RAB28: variants seen among roughly 807,000 people sequenced by gnomAD.
The protein encoded by RAB28 is ras-related protein Rab-28.
In RAB28, 24 loss-of-function variants were observed where a neutral mutation model predicts 31.7. That is an observed-to-expected ratio of 0.76 (90% CI 0.55 to 1.06). The LOEUF is 1.06. Among genes scored for constraint, RAB28 ranks in the 50% least tolerant of loss-of-function variants. The pLI, the probability that RAB28 is intolerant of heterozygous loss-of-function variation, is 0.00. For synonymous variants in RAB28, 100 were observed against 90.4 expected (o/e 1.11, Z -0.60); for missense variants, 254 against 258.5 (o/e 0.98, Z 0.12).
At chr4:13,460,415 T>C (rs1715533270) in intron 4 of RAB28, among the ~76,000 whole-genome samples, 1 of 152,134 alleles carries the variant, frequency 6.6e-6, no homozygotes, top group African/African-American at 2.4e-5. Context: ...AGGGTCTCAC[T>C]ATGTTGGCCA....
chr4:13,467,101 C>T (rs61798410), intron 3 of RAB28, among the ~76,000 whole-genome samples: 2 of 151,642 alleles, frequency 1.3e-5, no homozygotes, highest in Non-Finnish European at 2.9e-5. Context: ...AACTATTGCA[C>T]AGTGTGGTTA....
At chr4:13,411,515 T>C (rs1712439634) in intron 4 of RAB28, among the ~76,000 whole-genome samples, 2 of 152,112 alleles carry the variant, frequency 1.3e-5, no homozygotes, top group Admixed American at 1.3e-4. Context: ...AAGTAGAAGG[T>C]AAAAATCAAA....
At chr4:13,433,949 G>A (rs1713956628) in intron 4 of RAB28, among the ~76,000 whole-genome samples, 2 of 152,012 alleles carry the variant, frequency 1.3e-5, no homozygotes, top group African/African-American at 4.8e-5. Context: ...AAGAAAATGT[G>A]GTATATATAC....
intron 1 of RAB28, among the ~76,000 whole-genome samples, chr4:13,482,705 G>C (rs1716666335): frequency 6.6e-6 from 1 of 152,062 alleles, no homozygotes; most frequent in Non-Finnish European, 1.5e-5. Flanking sequence ...TTCCCCCAAC[G>C]TTTAAAGGTA....
chr4:13,477,224 T>C (rs1268050331), intron 2 of RAB28, among the ~76,000 whole-genome samples: 1 of 151,574 alleles, frequency 6.6e-6, no homozygotes, highest in Admixed American at 6.6e-5. Flanking sequence ...ATCCAGACTA[T>C]ACAGCATACC....
At chr4:13,446,200 G>C (rs1024078972) in intron 4 of RAB28, among the ~76,000 whole-genome samples, 14 of 152,286 alleles carry the variant, frequency 9.2e-5, no homozygotes, top group Non-Finnish European at 1.9e-4. Flanking sequence ...CACAGTAATG[G>C]CGGTAGCCCC....
At chr4:13,467,430 A>G (rs577609057) in intron 3 of RAB28, among the ~76,000 whole-genome samples, 1 of 152,058 alleles carries the variant, frequency 6.6e-6, no homozygotes, top group South Asian at 2.1e-4. Context: ...GTTAATTGAT[A>G]TAAAATACAA....
Position 13,443,149 on chromosome 4 carries a change from A to G in RAB28, c.391+17550T>C, listed in dbSNP as rs534342377. 8.2e-4 allele frequency among the ~76,000 whole-genome samples: 125 copies of G among 152,356 alleles called. 1 individual carries two copies. Among genetic ancestry groups the G allele is most frequent in the African/African-American group, 3.0e-3 (124 of 41,582 alleles). ...ATGAAAGAGAAAAAATAAAAATCTT[A>G]AAACAACAACTATGTGTGTAATATA... On this transcript the variant is annotated intron_variant, in intron 4 of 6. Coordinates refer to ENST00000330852, the MANE Select transcript of RAB28 (RefSeq NM_001017979.3).
intron 4 of RAB28, among the ~76,000 whole-genome samples, chr4:13,383,972 T>TG (rs1282417502): frequency 4.6e-5 from 7 of 152,302 alleles, no homozygotes; most frequent in Non-Finnish European, 1.0e-4. Flanking sequence ...TTGGATGTAC[T>TG]GGGGGTCCAC....
At chr4:13,481,483 G>C (rs28680387) in intron 1 of RAB28, among the ~76,000 whole-genome samples, 2,553 of 151,966 alleles carry the variant, frequency 0.017, 70 homozygotes, top group African/African-American at 0.058. Flanking sequence ...TGAACAACTA[G>C]CTCCCATATC....
At chr4:13,426,813 T>C (rs1713522914) in intron 4 of RAB28, among the ~76,000 whole-genome samples, 1 of 152,182 alleles carries the variant, frequency 6.6e-6, no homozygotes, top group South Asian at 2.1e-4. Context: ...ATTTTACTAT[T>C]AGTTTTAGTG....
intron 4 of RAB28, among the ~76,000 whole-genome samples, chr4:13,396,687 A>T (rs2108896226): frequency 1.3e-5 from 2 of 152,174 alleles, no homozygotes; most frequent in African/African-American, 4.8e-5. Context: ...AATGCAGTTT[A>T]AAAATTTTCC....
intron 4 of RAB28, among the ~76,000 whole-genome samples, chr4:13,417,796 C>T (rs1311482574): frequency 6.6e-6 from 1 of 152,162 alleles, no homozygotes; most frequent in Non-Finnish European, 1.5e-5. Context: ...TGGGGAGAAA[C>T]CAGAGGAGAA....
At chr4:13,444,949 C>T (rs1714620955) in intron 4 of RAB28, among the ~76,000 whole-genome samples, 1 of 152,076 alleles carries the variant, frequency 6.6e-6, no homozygotes, top group Non-Finnish European at 1.5e-5. Flanking sequence ...GGGAAGGTCT[C>T]CTGGATAATA....
intron 6 of RAB28, among the ~76,000 whole-genome samples, chr4:13,374,537 G>GCA (rs139775475): frequency 0.016 from 2,411 of 152,174 alleles, 54 homozygotes; most frequent in South Asian, 0.092. Flanking sequence ...CACCTGTGAA[G>GCA]CACCAGCCCA....
intron 6 of RAB28, among the ~76,000 whole-genome samples, chr4:13,372,875 C>T (rs1728768681): frequency 6.6e-6 from 1 of 151,964 alleles, no homozygotes; most frequent in Admixed American, 6.6e-5. Context: ...ACATGCCAAG[C>T]CTTACATGAG....
Position 13,427,250 on chromosome 4 carries a change from G to T in RAB28, c.391+33449C>A, listed in dbSNP as rs370207052. 1.8e-4 allele frequency among the ~76,000 whole-genome samples: 27 copies of T among 152,240 alleles called. 1 individual carries two copies. The highest frequency in any genetic ancestry group is 1.2e-3 in the East Asian group (6 of 5,186). ...ATATAAAATATTTGAAGACTTAAGG[G>T]CCTTCTTAAAATACTACTGCTTCCA... On this transcript the variant is annotated intron_variant, in intron 4 of 6. Coordinates refer to ENST00000330852, the MANE Select transcript of RAB28 (RefSeq NM_001017979.3).
intron 4 of RAB28, among the ~76,000 whole-genome samples, chr4:13,384,176 CACCT>C (rs1384458134): frequency 6.6e-6 from 1 of 152,156 alleles, no homozygotes; most frequent in Non-Finnish European, 1.5e-5. Flanking sequence ...GCAGCCACCC[CACCT>C]GAGTGATCAT....
chr4:13,477,474 T>A (rs940272360), intron 2 of RAB28, among the ~76,000 whole-genome samples: 1 of 151,624 alleles, frequency 6.6e-6, no homozygotes, highest in Non-Finnish European at 1.5e-5. Flanking sequence ...GTGACACTTA[T>A]AATGAATGTA....
Sources: allele counts gnomAD v4.1 joint callset (sites outside exome capture counted in the v4.1 genomes callset), GRCh38; gene constraint gnomAD v4.1.1; transcripts MANE v1.5; gene names NCBI Gene and HGNC (gene_info 2026-07-23, HGNC 2026-07-21).